SHISA9: variants seen among roughly 807,000 people sequenced by gnomAD.
SHISA9 encodes shisa family member 9, also known as protein shisa-9.
In SHISA9, 13 loss-of-function variants were observed where a neutral mutation model predicts 38.0. That is an observed-to-expected ratio of 0.34 (90% CI 0.22 to 0.54). The LOEUF is 0.54. Ranked by LOEUF, SHISA9 falls within the 20% of genes least tolerant of loss-of-function variation. SHISA9 has a pLI of 0.91. For missense variants in SHISA9, 538 were observed against 575.8 expected (o/e 0.93, Z 0.67); for synonymous variants, 275 against 242.0 (o/e 1.14, Z -1.27).
At chr16:13,356,508 A>G in the SHISA9 span, among the ~76,000 whole-genome samples, 2 of 152,170 alleles carry the variant, frequency 1.3e-5, no homozygotes, top group Non-Finnish European at 2.9e-5. Flanking sequence ...CTAGTCACGG[A>G]ACGAAACGGT....
intron 2 of SHISA9, among the ~76,000 whole-genome samples, chr16:13,171,061 C>G (rs1412931934): frequency 2.0e-5 from 3 of 152,230 alleles, no homozygotes; most frequent in African/African-American, 7.2e-5. Flanking sequence ...GCATCTGCTT[C>G]TGGTGAGGGC....
chr16:13,275,912 ATTTTT>A, the SHISA9 span, among the ~76,000 whole-genome samples: 5 of 150,954 alleles, frequency 3.3e-5, no homozygotes, highest in African/African-American at 1.2e-4. Flanking sequence ...TTTATTTTTT[ATTTTT>A]AAAAAAAATT....
chr16:12,936,794 T>C (rs531297190), intron 2 of SHISA9, among the ~76,000 whole-genome samples: 28 of 152,186 alleles, frequency 1.8e-4, no homozygotes, highest in Non-Finnish European at 3.1e-4. Flanking sequence ...AAGACTCTAC[T>C]GTTATTTTGT....
chr16:13,113,939 G>A (rs954689596), intron 2 of SHISA9, among the ~76,000 whole-genome samples: 2 of 152,146 alleles, frequency 1.3e-5, no homozygotes, highest in African/African-American at 4.8e-5. Context: ...TTATTCATTT[G>A]TTCATTCATT....
At chr16:13,449,863 T>C in the SHISA9 span, among the ~76,000 whole-genome samples, 1 of 152,174 alleles carries the variant, frequency 6.6e-6, no homozygotes, top group African/African-American at 2.4e-5. Flanking sequence ...ATGCCTGTAA[T>C]CCCAGCACTT....
At chr16:13,086,878 C>G (rs548623055) in intron 2 of SHISA9, among the ~76,000 whole-genome samples, 79 of 151,564 alleles carry the variant, frequency 5.2e-4, no homozygotes, top group Admixed American at 2.0e-3. Context: ...ACTTTAAGTT[C>G]TAGGGCACAT....
At chr16:13,309,297 G>T in the SHISA9 span, among the ~76,000 whole-genome samples, 5 of 152,034 alleles carry the variant, frequency 3.3e-5, no homozygotes, top group Non-Finnish European at 7.4e-5. Context: ...CATAGCACAC[G>T]TTTACCCGTG....
intron 2 of SHISA9, among the ~76,000 whole-genome samples, chr16:13,111,466 G>T (rs1025230045): frequency 2.0e-5 from 3 of 151,894 alleles, no homozygotes; most frequent in Admixed American, 6.6e-5. Flanking sequence ...ATTTATTTAA[G>T]TCCTCTGTGC....
intron 2 of SHISA9, among the ~76,000 whole-genome samples, chr16:12,997,023 GT>G (rs2072465243): frequency 6.6e-6 from 1 of 152,086 alleles, no homozygotes; most frequent in Non-Finnish European, 1.5e-5. Context: ...CATATCTTAA[GT>G]ATATAAATCA....
At chr16:13,405,598 AGAGT>A in the SHISA9 span, among the ~76,000 whole-genome samples, 2 of 152,176 alleles carry the variant, frequency 1.3e-5, no homozygotes, top group Non-Finnish European at 2.9e-5. Flanking sequence ...ATAGTAACCA[AGAGT>A]TAGTTTTTCA....
In SHISA9 at chr16:12,989,945, G is replaced by C. The variant is rs140400819; in HGVS notation, c.691+73130G>C. Among the ~76,000 whole-genome samples the C allele has an allele frequency of 9.2e-3, 1,406 of 152,126 alleles. 22 individuals are homozygous for C. Among genetic ancestry groups the C allele is most frequent in the African/African-American group, 0.032 (1,338 of 41,502 alleles). On this transcript the variant is annotated intron_variant, in intron 2 of 4. Transcript: ENST00000558583. The stretch of plus-strand genomic sequence containing the variant: ...GATGCTCTCCCTTTGCACCCCTCCT[G>C]ACAGACCCTGGTGTGTGTTGTTCCC...
the SHISA9 span, among the ~76,000 whole-genome samples, chr16:13,489,620 A>G: frequency 0.28 from 43,323 of 152,030 alleles, 6,773 homozygotes; most frequent in East Asian, 0.37. Flanking sequence ...TTCCCCTTTC[A>G]CTTGGCTCTC....
the SHISA9 span, among the ~76,000 whole-genome samples, chr16:13,279,975 C>T: frequency 6.6e-6 from 1 of 151,700 alleles, no homozygotes; most frequent in Non-Finnish European, 1.5e-5. Flanking sequence ...GGAATTAGTC[C>T]ATTTCATCTA....
chr16:13,206,935 G>C (rs1356001801), intron 3 of SHISA9, among the ~76,000 whole-genome samples: 1 of 152,202 alleles, frequency 6.6e-6, no homozygotes, highest in African/African-American at 2.4e-5. Context: ...GTGTAACTGT[G>C]GAAGCCTTCA....
chr16:13,101,594 G>A (rs1396002113), intron 2 of SHISA9, among the ~76,000 whole-genome samples: 2 of 152,198 alleles, frequency 1.3e-5, no homozygotes, highest in Admixed American at 1.3e-4. Context: ...GCTAGTTGCT[G>A]GCTTTTGAAA....
At chr16:13,110,595 A>T (rs1424346505) in intron 2 of SHISA9, among the ~76,000 whole-genome samples, 2 of 152,136 alleles carry the variant, frequency 1.3e-5, no homozygotes, top group African/African-American at 2.4e-5. Flanking sequence ...GGGAGAGGAG[A>T]GCTGGAACTT....
intron 2 of SHISA9, among the ~76,000 whole-genome samples, chr16:13,037,103 C>CAGACAGACAG (rs1567190807): frequency 8.6e-5 from 5 of 58,286 alleles, no homozygotes; most frequent in African/African-American, 4.0e-4. Flanking sequence ...CACACACACA[C>CAGACAGACAG]ACACAGACAC....
chr16:13,314,258 G>A, the SHISA9 span, among the ~76,000 whole-genome samples: 1 of 150,562 alleles, frequency 6.6e-6, no homozygotes, highest in Admixed American at 6.6e-5. Context: ...TTGTCTCCCA[G>A]GCTGGAGTGC....
At chr16:13,206,199 T>C (rs1184902861) in intron 3 of SHISA9, among the ~76,000 whole-genome samples, 3 of 152,216 alleles carry the variant, frequency 2.0e-5, no homozygotes, top group Non-Finnish European at 4.4e-5. Flanking sequence ...AGAGGTCTTC[T>C]ACTCTTTAGT....
Sources: allele counts gnomAD v4.1 joint callset (sites outside exome capture counted in the v4.1 genomes callset), GRCh38; gene constraint gnomAD v4.1.1; transcripts MANE v1.5; gene names NCBI Gene and HGNC (gene_info 2026-07-23, HGNC 2026-07-21).